Variants in OR5D3 observed in about 807,000 individuals in gnomAD.
OR5D3 encodes olfactory receptor 5D3.
the OR5D3 span, chr11:55,724,060 T>C: frequency 7.6e-6 from 3 of 395,646 alleles, no homozygotes; most frequent in Non-Finnish European, 1.3e-5. Flanking sequence ...TTTAGGTGAG[T>C]TGATTTAGTT....
chr11:55,724,733 G>GA, the OR5D3 span, among the ~76,000 whole-genome samples: 1 of 152,026 alleles, frequency 6.6e-6, no homozygotes, highest in East Asian at 1.9e-4. Flanking sequence ...AGTGATTACA[G>GA]AAAATTATTC....
the OR5D3 span, chr11:55,727,752 C>T: frequency 2.0e-5 from 3 of 152,034 alleles, no homozygotes; most frequent in South Asian, 2.1e-4. Flanking sequence ...GCCCATCACC[C>T]TAGTTCTGCC....
At chr11:55,724,358 A>T in the OR5D3 span, among the ~76,000 whole-genome samples, 1 of 152,110 alleles carries the variant, frequency 6.6e-6, no homozygotes, top group African/African-American at 2.4e-5. Context: ...TGAGGAGATA[A>T]GCGAGACTAA....
the OR5D3 span, chr11:55,726,733 A>T: frequency 2.5e-6 from 1 of 398,882 alleles, no homozygotes; most frequent in African/African-American, 2.1e-5. Context: ...GACTAACTTC[A>T]TTAATAACTT....
the OR5D3 span, chr11:55,728,361 A>T: frequency 6.6e-6 from 1 of 152,100 alleles, no homozygotes; most frequent in Admixed American, 6.5e-5. Flanking sequence ...GAGAAATGAA[A>T]AACTGGGTTC....
At chr11:55,728,992 G>A in the OR5D3 span, 66 of 152,050 alleles carry the variant, frequency 4.3e-4, no homozygotes, top group African/African-American at 1.5e-3. Context: ...AAGGTTTCCA[G>A]GATAAAGTTA....
At chr11:55,724,264 T>C in the OR5D3 span, among the ~76,000 whole-genome samples, 3 of 151,910 alleles carry the variant, frequency 2.0e-5, no homozygotes, top group African/African-American at 4.8e-5. Flanking sequence ...GCTCCCACCA[T>C]GTACTCAGCA....
chr11:55,723,933 C>T, the OR5D3 span: 1 of 396,452 alleles, frequency 2.5e-6, no homozygotes, highest in Non-Finnish European at 4.4e-6. Context: ...TCTCGACACT[C>T]CTACTGTTGT....
At chr11:55,726,433 TCCA>T in the OR5D3 span, 1 of 471,542 alleles carries the variant, frequency 2.1e-6, no homozygotes, top group Non-Finnish European at 3.9e-6. Flanking sequence ...TTTCTGTTAT[TCCA>T]CCACAATTAC....
At chr11:55,728,695 T>C in the OR5D3 span, 1 of 152,214 alleles carries the variant, frequency 6.6e-6, no homozygotes, top group South Asian at 2.1e-4. Context: ...AAAAATTCAA[T>C]AACTTTTTAC....
chr11:55,728,610 A>G, the OR5D3 span: 1 of 152,108 alleles, frequency 6.6e-6, no homozygotes, highest in Non-Finnish European at 1.5e-5. Context: ...TATGAAGTCA[A>G]CCATGTGTTG....
the OR5D3 span, chr11:55,726,240 A>C: frequency 2.5e-6 from 1 of 401,130 alleles, no homozygotes; most frequent in African/African-American, 2.1e-5. Flanking sequence ...AGACTGCTGG[A>C]GTCACCTTCA....
chr11:55,726,372 C>A, the OR5D3 span: 1 of 471,648 alleles, frequency 2.1e-6, no homozygotes. Context: ...GGATCAACCC[C>A]AAACTCCACA....
the OR5D3 span, among the ~76,000 whole-genome samples, chr11:55,724,614 G>A: frequency 1.3e-5 from 2 of 152,084 alleles, no homozygotes; most frequent in South Asian, 4.1e-4. Flanking sequence ...ATGAGATTGA[G>A]TATCTAGATC....
At chr11:55,728,507 G>A in the OR5D3 span, 1 of 152,128 alleles carries the variant, frequency 6.6e-6, no homozygotes, top group East Asian at 1.9e-4. Flanking sequence ...TAATTTGATT[G>A]CCTTAACCAA....
At chr11:55,725,550 T>C in the OR5D3 span, among the ~76,000 whole-genome samples, 64 of 152,196 alleles carry the variant, frequency 4.2e-4, no homozygotes, top group Non-Finnish European at 1.9e-4. Context: ...TACAGAAACA[T>C]ACATCACATA....
the OR5D3 span, chr11:55,726,844 C>G: frequency 1.7e-3 from 688 of 399,004 alleles, 12 homozygotes; most frequent in African/African-American, 0.013. Context: ...AATAAGCAGC[C>G]TGGTGATCAT....
the OR5D3 span, chr11:55,723,969 G>A: frequency 2.5e-6 from 1 of 397,610 alleles, no homozygotes; most frequent in Non-Finnish European, 4.4e-6. Context: ...TATTAATTAA[G>A]TGCTAAGCGG....
chr11:55,726,802 A>G, the OR5D3 span: 1 of 398,928 alleles, frequency 2.5e-6, no homozygotes, highest in East Asian at 3.6e-5. Flanking sequence ...CATGAGCCAG[A>G]AGGTCATTTT....
Sources: allele counts gnomAD v4.1 joint callset (sites outside exome capture counted in the v4.1 genomes callset), GRCh38; gene constraint gnomAD v4.1.1; transcripts MANE v1.5; gene names NCBI Gene and HGNC (gene_info 2026-07-23, HGNC 2026-07-21).